BMPR2: variants seen among roughly 807,000 people sequenced by gnomAD.
BMPR2 encodes bone morphogenetic protein receptor type 2, also known as bone morphogenetic protein receptor type-2.
Under a neutral mutation model 100.8 loss-of-function variants are expected in BMPR2, and 29 were observed. The ratio of observed to expected loss-of-function variants is 0.29; its 90% CI spans 0.21 to 0.39. The LOEUF is 0.39. Ranked by LOEUF, BMPR2 falls within the 10% of genes least tolerant of loss-of-function variation. The pLI, the probability that BMPR2 is intolerant of heterozygous loss-of-function variation, is 1.00. For missense variants in BMPR2, 1,011 were observed against 1,274.5 expected (o/e 0.79, Z 3.15); for synonymous variants, 382 against 442.3 (o/e 0.86, Z 1.71).
chr2:202,474,379 C>T (rs1692495992), intron 3 of BMPR2, among the ~76,000 whole-genome samples: 1 of 149,846 alleles, frequency 6.7e-6, no homozygotes, highest in East Asian at 2.1e-4. Context: ...TCTCTTGAAC[C>T]TGGGAAGTGA....
Position 202,467,659 on chromosome 2 carries a change from A to G in BMPR2, c.388A>G (p.Asn130Asp). ...TTTATGTAATGTCAACTTTACTGAG[A>G]ATTTTCCACCTCCTGACACAACACC... is the stretch of plus-strand genomic sequence containing the variant. ...TDLCNVNFTE[N>D]FPPPDTTPLS... The change falls in exon 3 of 13, where the codon AAT (asparagine) becomes GAT (aspartate). Residue 130 changes from asparagine to aspartate, a missense_variant. Around this residue, in one of 6 missense-constraint regions of BMPR2, gnomAD observed 355 missense variants for 455.3 expected, o/e 0.78. Transcript: ENST00000374580. The G allele has an allele frequency of 6.2e-7, 1 of 1,612,982 alleles. No homozygotes were observed. The highest frequency in any genetic ancestry group is 8.5e-7 in the Non-Finnish European group (1 of 1,178,958).
At chr2:202,529,724 A>G (rs138010337) in intron 7 of BMPR2, among the ~76,000 whole-genome samples, 6 of 152,262 alleles carry the variant, frequency 3.9e-5, no homozygotes, top group African/African-American at 1.4e-4. Flanking sequence ...TTTTAAATCA[A>G]TGATTATTAT....
At chr2:202,390,017 C>T (rs985584556) in intron 1 of BMPR2, among the ~76,000 whole-genome samples, 7 of 150,422 alleles carry the variant, frequency 4.7e-5, no homozygotes, top group South Asian at 2.1e-4. Context: ...AAAAAAAAAT[C>T]GTCTCGTGTT....
At chr2:202,490,104 G>A (rs541031604) in intron 3 of BMPR2, among the ~76,000 whole-genome samples, 11 of 152,242 alleles carry the variant, frequency 7.2e-5, no homozygotes, top group Admixed American at 2.0e-4. Context: ...AAGTGCAAAC[G>A]CAGCTACCCA....
chr2:202,536,874 A>C (rs1365556981), intron 9 of BMPR2, among the ~76,000 whole-genome samples: 1 of 148,598 alleles, frequency 6.7e-6, no homozygotes, highest in African/African-American at 2.6e-5. Flanking sequence ...CGGTCTCAAA[A>C]AAAAAAAAAA....
chr2:202,377,665 TG>T lies in BMPR2; in HGVS notation c.76+116del. ...TCGCCATGCGTCCCCCCGATCGCGG[TG>T]CAGCGGAGCTGCGACCCGGTGCCTG... On this transcript the variant is annotated intron_variant, in intron 1 of 12. Coordinates refer to ENST00000374580, the MANE Select transcript of BMPR2 (RefSeq NM_001204.7). The T allele has an allele frequency of 3.1e-6, 4 of 1,281,724 alleles. No individual in the cohort carries two copies. In the South Asian group the frequency reaches 4.9e-5, roughly 16 times the overall value. 79.4% of individuals were successfully genotyped at this position (1,281,724 alleles called of 1,614,324 possible).
intron 1 of BMPR2, among the ~76,000 whole-genome samples, chr2:202,460,829 T>C (rs931185922): frequency 6.6e-6 from 1 of 151,350 alleles, no homozygotes; most frequent in Non-Finnish European, 1.5e-5. Flanking sequence ...TTTTTTTTTT[T>C]TTTTTTTAAG....
At chr2:202,510,649 T>G (rs562884284) in intron 3 of BMPR2, among the ~76,000 whole-genome samples, 1 of 152,292 alleles carries the variant, frequency 6.6e-6, no homozygotes. Context: ...TAGCAAATTC[T>G]AAAATGAGGT....
At chr2:202,383,606 G>A (rs1021680960) in intron 1 of BMPR2, among the ~76,000 whole-genome samples, 5 of 151,876 alleles carry the variant, frequency 3.3e-5, no homozygotes, top group African/African-American at 1.2e-4. Context: ...CCTGGGAAGC[G>A]GAGGTTGTGG....
At chr2:202,390,884 A>G (rs1690533037) in intron 1 of BMPR2, among the ~76,000 whole-genome samples, 1 of 151,102 alleles carries the variant, frequency 6.6e-6, no homozygotes, top group African/African-American at 2.4e-5. Flanking sequence ...TGCAATTACA[A>G]CTGCTTTTTT....
chr2:202,509,575 T>TTTATTA (rs1687584988), intron 3 of BMPR2, among the ~76,000 whole-genome samples: 1 of 151,846 alleles, frequency 6.6e-6, no homozygotes, highest in South Asian at 2.1e-4. Flanking sequence ...TGGAAAAATC[T>TTTATTA]TTATTATTAA....
intron 1 of BMPR2, among the ~76,000 whole-genome samples, chr2:202,429,038 A>T (rs1419772905): frequency 6.6e-6 from 1 of 152,166 alleles, no homozygotes. Flanking sequence ...CAGGGCCTAT[A>T]CTAGTTCCAT....
In BMPR2 at chr2:202,467,700, T is replaced by A. The variant is rs756036199; in HGVS notation, c.418+11T>A. 3.7e-6 allele frequency: 6 copies of A among 1,600,912 alleles called. No homozygotes were observed. In the Admixed American group the frequency reaches 5.0e-5, roughly 13 times the overall value. On this transcript the variant is annotated intron_variant, in intron 3 of 12. Coordinates refer to ENST00000374580, the MANE Select transcript of BMPR2 (RefSeq NM_001204.7). ...ACACAACACCACTCAGTAAGTAAAGTAACCAACTTTTCTTTGTATTTCCTT... is the reference window on the plus strand; with the variant it reads ...ACACAACACCACTCAGTAAGTAAAGAAACCAACTTTTCTTTGTATTTCCTT...
chr2:202,502,041 G>A (rs1687405860), intron 3 of BMPR2, among the ~76,000 whole-genome samples: 1 of 152,188 alleles, frequency 6.6e-6, no homozygotes, highest in Non-Finnish European at 1.5e-5. Context: ...CTTCCCCCAG[G>A]GACCAGTGCC....
At chr2:202,392,304 C>T (rs1387053843) in intron 1 of BMPR2, among the ~76,000 whole-genome samples, 1 of 152,054 alleles carries the variant, frequency 6.6e-6, no homozygotes, top group Non-Finnish European at 1.5e-5. Flanking sequence ...CTCCTGACCT[C>T]AGGTGATCCA....
chr2:202,538,339 C>G (rs1289768980), intron 9 of BMPR2, among the ~76,000 whole-genome samples: 2 of 151,858 alleles, frequency 1.3e-5, no homozygotes, highest in East Asian at 3.9e-4. Context: ...ACCTGTAATT[C>G]TAGCTACTTG....
chr2:202,408,344 G>C (rs1160800036), intron 1 of BMPR2, among the ~76,000 whole-genome samples: 1 of 152,174 alleles, frequency 6.6e-6, no homozygotes, highest in Non-Finnish European at 1.5e-5. Flanking sequence ...GTCTGTGGTT[G>C]CTTCTTAGCT....
At chr2:202,508,939 C>T (rs1183463462) in intron 3 of BMPR2, among the ~76,000 whole-genome samples, 1 of 152,048 alleles carries the variant, frequency 6.6e-6, no homozygotes, top group African/African-American at 2.4e-5. Context: ...TTTAATGACA[C>T]ATAAGGTAGA....
Position 202,519,011 on chromosome 2 carries a change from G to A in BMPR2, c.811G>A (p.Gly271Arg). 6.2e-7 allele frequency: 1 copy of A among 1,614,094 alleles called. No homozygotes were observed. Among genetic ancestry groups the A allele is most frequent in the Non-Finnish European group, 8.5e-7 (1 of 1,179,998 alleles). ...IVGDERVTAD[G>R]RMEYLLVMEY... The stretch of plus-strand genomic sequence containing the variant: ...TGGAGATGAGAGAGTCACTGCAGAT[G>A]GACGCATGGAATATTTGCTTGTGAT... The change falls in exon 6 of 13, where the codon GGA (glycine) becomes AGA (arginine). Residue 271 changes from glycine (G) to arginine (R), a missense_variant. Coordinates refer to ENST00000374580, the MANE Select transcript of BMPR2 (RefSeq NM_001204.7).
Sources: allele counts gnomAD v4.1 joint callset (sites outside exome capture counted in the v4.1 genomes callset), GRCh38; gene constraint gnomAD v4.1.1; regional missense constraint gnomAD v4.1.1; transcripts MANE v1.5; gene names NCBI Gene and HGNC (gene_info 2026-07-23, HGNC 2026-07-21).